Variants in RYR2 observed in about 807,000 individuals in gnomAD.
RYR2 encodes the protein cardiac muscle ryanodine receptor-calcium release channel.
RYR2 carries 227 observed loss-of-function variants against 601.1 expected under a neutral mutation model. The ratio of observed to expected loss-of-function variants is 0.38; its 90% CI spans 0.34 to 0.42. The LOEUF (loss-of-function observed/expected upper bound fraction) is 0.42, where lower values mean the gene tolerates loss of function less well. Among genes scored for constraint, RYR2 ranks in the 10% least tolerant of loss-of-function variants. RYR2 has a pLI of 1.00. For missense variants in RYR2, 4,646 were observed against 6,156.5 expected, an observed-to-expected ratio of 0.75 and a Z score of 8.21; for synonymous variants, 2,223 against 2,175.1, an observed-to-expected ratio of 1.02 and a Z score of -0.61.
intron 25 of RYR2, among the ~76,000 whole-genome samples, chr1:237,536,885 C>CAAAAAAAAAAAAAAA (rs540538447): frequency 1.4e-5 from 2 of 139,502 alleles, no homozygotes; most frequent in African/African-American, 5.4e-5. Context: ...GACTCCATCT[C>CAAAAAAAAAAAAAAA]AAAAAAAAAA....
intron 19 of RYR2, among the ~76,000 whole-genome samples, chr1:237,496,061 A>G (rs1009474383): frequency 1.3e-5 from 2 of 152,144 alleles, no homozygotes; most frequent in Non-Finnish European, 2.9e-5. Context: ...TAATTAAGGA[A>G]ATATATATTT....
At chr1:237,602,710 T>C (rs1177344013) in intron 35 of RYR2, among the ~76,000 whole-genome samples, 1 of 152,160 alleles carries the variant, frequency 6.6e-6, no homozygotes, top group African/African-American at 2.4e-5. Context: ...GAGATTAAGA[T>C]GGATAAAAGG....
chr1:237,351,182 A>T (rs1698811165), intron 3 of RYR2, among the ~76,000 whole-genome samples: 1 of 152,180 alleles, frequency 6.6e-6, no homozygotes, highest in Admixed American at 6.5e-5. Context: ...TAATAGTGGA[A>T]AACATGGATA....
chr1:237,797,855 G>T (rs948435281), intron 96 of RYR2, among the ~76,000 whole-genome samples, 182 bp from the exon 97 acceptor site: 1 of 152,188 alleles, frequency 6.6e-6, no homozygotes, highest in African/African-American at 2.4e-5. Flanking sequence ...TATGTAAGAT[G>T]CTGTGAATTT....
chr1:237,126,872 G>C (rs1671492799), intron 1 of RYR2, among the ~76,000 whole-genome samples: 2 of 151,672 alleles, frequency 1.3e-5, no homozygotes, highest in Admixed American at 6.6e-5. Flanking sequence ...GTGGAGGGAA[G>C]GTCAGCAGAT....
intron 1 of RYR2, among the ~76,000 whole-genome samples, chr1:237,097,309 G>A (rs1667597517): frequency 6.6e-6 from 1 of 152,146 alleles, no homozygotes; most frequent in South Asian, 2.1e-4. Context: ...TTAAAAGGGG[G>A]AAGAAACTGA....
intron 1 of RYR2, among the ~76,000 whole-genome samples, chr1:237,234,190 C>A (rs1479304599): frequency 1.3e-5 from 2 of 152,144 alleles, no homozygotes; most frequent in Admixed American, 6.5e-5. Flanking sequence ...CTTTATTCTT[C>A]AGCAAGAATC....
chr1:237,819,127 A>G lies in RYR2; in HGVS notation c.14525A>G (p.Tyr4842Cys). Residue 4842 changes from tyrosine (Y) to cysteine (C), a missense_variant, in exon 101 of 105, where the codon TAT (tyrosine) becomes TGT (cysteine). Around this residue, in one of 17 missense-constraint regions of RYR2, gnomAD observed 55 missense variants for 204.7 expected, o/e 0.27. Transcript: ENST00000366574. The surrounding 1 kb of genome is among the most constrained non-coding windows in gnomAD (Gnocchi z 4.0). ...CCAGCAGGAGATGAATATGAGATCT[A>G]TCGAATCATCTTTGACATCACTTTC... is the stretch of plus-strand genomic sequence containing the variant. ...EDPAGDEYEI[Y>C]RIIFDITFFF... is the part of the protein sequence containing the mutation. The G allele has an allele frequency of 1.2e-6, 2 of 1,613,710 alleles. No homozygotes were observed. The highest frequency in any genetic ancestry group is 1.1e-5 in the South Asian group (1 of 91,082).
At chr1:237,208,182 G>A (rs1205576535) in intron 1 of RYR2, among the ~76,000 whole-genome samples, 1 of 152,204 alleles carries the variant, frequency 6.6e-6, no homozygotes, top group East Asian at 1.9e-4. Context: ...GATATATGTT[G>A]CATAGCTGAT....
At chr1:237,781,710 A>T in intron 89 of RYR2, 64 bp downstream of exon 89, 1 of 820,684 alleles carries the variant, frequency 1.2e-6, no homozygotes, top group Non-Finnish European at 2.0e-6. Flanking sequence ...GCATGGGCTT[A>T]TGGAATCAGA....
At chr1:237,267,269 G>A (rs1407717228) in intron 1 of RYR2, among the ~76,000 whole-genome samples, 1 of 152,186 alleles carries the variant, frequency 6.6e-6, no homozygotes, top group Non-Finnish European at 1.5e-5. Flanking sequence ...CTGTAATCCT[G>A]GCGCTTTGGG....
chr1:237,268,301 G>A (rs1215153300), intron 1 of RYR2, among the ~76,000 whole-genome samples: 1 of 151,904 alleles, frequency 6.6e-6, no homozygotes, highest in Non-Finnish European at 1.5e-5. Context: ...AAGCCTCTGG[G>A]GATTTGATAA....
intron 35 of RYR2, among the ~76,000 whole-genome samples, chr1:237,607,283 A>G (rs560164641): frequency 1.3e-5 from 2 of 152,292 alleles, no homozygotes; most frequent in South Asian, 2.1e-4. Context: ...AGGGACATGG[A>G]TGAAGCTGGA....
chr1:237,508,944 G>C (rs193273933), intron 23 of RYR2, among the ~76,000 whole-genome samples: 3 of 151,240 alleles, frequency 2.0e-5, no homozygotes, highest in Admixed American at 1.3e-4. Context: ...GGGTTTCACC[G>C]TGTTAGCCAG....
chr1:237,439,877 A>G (rs1247815734), intron 12 of RYR2, among the ~76,000 whole-genome samples: 5 of 152,124 alleles, frequency 3.3e-5, no homozygotes, highest in African/African-American at 2.4e-5. Flanking sequence ...CTGAAGAGAT[A>G]ATTACAGTGT....
At chr1:237,436,899 T>A (rs541831928) in intron 12 of RYR2, among the ~76,000 whole-genome samples, 2 of 150,790 alleles carry the variant, frequency 1.3e-5, no homozygotes, top group African/African-American at 2.4e-5. Flanking sequence ...TCACTTAGTA[T>A]ATCTATGTGT....
intron 99 of RYR2, among the ~76,000 whole-genome samples, chr1:237,806,860 A>G (rs1340209835): frequency 3.3e-5 from 5 of 152,314 alleles, no homozygotes; most frequent in Admixed American, 6.5e-5. Context: ...TTACGTTCCA[A>G]TGGAACCTGT....
intron 1 of RYR2, among the ~76,000 whole-genome samples, chr1:237,054,607 C>T (rs530815937): frequency 4.1e-4 from 62 of 152,276 alleles, no homozygotes; most frequent in African/African-American, 1.4e-3. Flanking sequence ...TCATCTCAGC[C>T]TTCCTGATGG....
At chr1:237,556,907 A>T (rs950067340) in intron 27 of RYR2, among the ~76,000 whole-genome samples, 1 of 134,426 alleles carries the variant, frequency 7.4e-6, no homozygotes, top group East Asian at 2.4e-4. Context: ...AAAAAAAAAA[A>T]AACCCTCTCA....
Sources: allele counts gnomAD v4.1 joint callset (sites outside exome capture counted in the v4.1 genomes callset), GRCh38; gene constraint gnomAD v4.1.1; regional missense constraint gnomAD v4.1.1; non-coding constraint Gnocchi (gnomAD v3.1); transcripts MANE v1.5; gene names NCBI Gene and HGNC (gene_info 2026-07-23, HGNC 2026-07-21).